The following MAP4K3 variants were observed in gnomAD, a reference collection of about 807,000 sequenced individuals.
The protein encoded by MAP4K3 is mitogen-activated protein kinase kinase kinase kinase 3.
In MAP4K3, 94 loss-of-function variants were observed where a neutral mutation model predicts 143.5. The ratio of observed to expected loss-of-function variants is 0.65; its 90% confidence interval spans 0.55 to 0.78. The LOEUF is 0.78. Ranked by LOEUF, MAP4K3 falls within the 30% of genes least tolerant of loss-of-function variation. The pLI, the probability that MAP4K3 is intolerant of heterozygous loss-of-function variation, is 0.00. For synonymous variants in MAP4K3, 416 were observed against 347.2 expected (o/e 1.20, Z -2.20); for missense variants, 1,077 against 1,068.1 (o/e 1.01, Z -0.12).
intron 16 of MAP4K3, among the ~76,000 whole-genome samples, chr2:39,293,545 A>G (rs1480461767): frequency 6.6e-6 from 1 of 152,182 alleles, no homozygotes; most frequent in Non-Finnish European, 1.5e-5. Context: ...TTCAAACAGA[A>G]GACAACTCAC....
Position 39,336,944 on chromosome 2 carries a change from T to C in MAP4K3, c.390A>G (p.Lys130=), listed in dbSNP as rs752007112. The C allele has an allele frequency of 1.3e-5, 17 of 1,328,432 alleles. No individual in the cohort carries two copies. Among genetic ancestry groups the C allele is most frequent in the Non-Finnish European group, 1.8e-5 (17 of 949,728 alleles). The allele number at this position is 1,328,432 out of a possible 1,614,324, so 82.3% of individuals were successfully genotyped here. A position where few individuals can be genotyped will look rare whatever the true frequency, so the allele number is the denominator to read the frequency against. ...CCTTTATATCTCTGTGCATTTTTCCTTTACTGTGAAGATAATATAATCCCT... is the reference window on the plus strand; with the variant it reads ...CCTTTATATCTCTGTGCATTTTTCCCTTACTGTGAAGATAATATAATCCCT... The part of the protein sequence containing the change: ...TLQGLYYLHS[K]GKMHRDIKGA... The change falls in exon 6 of 34, where the codon AAA becomes AAG. Residue 130 remains lysine, a synonymous_variant. Transcript: ENST00000263881.
intron 15 of MAP4K3, among the ~76,000 whole-genome samples, chr2:39,300,279 C>T (rs2148488973): frequency 6.6e-6 from 1 of 152,244 alleles, no homozygotes; most frequent in South Asian, 2.1e-4. Flanking sequence ...AAATTGGGTG[C>T]TATTTTAAAA....
chr2:39,339,447 T>C (rs966997249), intron 4 of MAP4K3, among the ~76,000 whole-genome samples: 3 of 152,200 alleles, frequency 2.0e-5, no homozygotes, highest in African/African-American at 4.8e-5. Flanking sequence ...GTAAGATACT[T>C]TCCCAGGAGA....
At chr2:39,327,646 CTCTAACTT>C (rs1054236413) in intron 8 of MAP4K3, among the ~76,000 whole-genome samples, 2 of 152,186 alleles carry the variant, frequency 1.3e-5, no homozygotes, top group African/African-American at 4.8e-5. Context: ...ACAAAAAACC[CTCTAACTT>C]TCAAAACCCC....
chr2:39,258,089 A>T (rs1680418160), intron 31 of MAP4K3, among the ~76,000 whole-genome samples: 1 of 151,826 alleles, frequency 6.6e-6, no homozygotes, highest in Non-Finnish European at 1.5e-5. Flanking sequence ...GTGCCAGCAA[A>T]CCTGGATAAT....
At chr2:39,429,246 C>T (rs1041805615) in intron 1 of MAP4K3, among the ~76,000 whole-genome samples, 1 of 151,832 alleles carries the variant, frequency 6.6e-6, no homozygotes, top group Non-Finnish European at 1.5e-5. Flanking sequence ...TGTTTCACTG[C>T]AATATTAGTA....
At chr2:39,287,381 C>T (rs1362612766) in intron 20 of MAP4K3, among the ~76,000 whole-genome samples, 1 of 151,906 alleles carries the variant, frequency 6.6e-6, no homozygotes, top group Non-Finnish European at 1.5e-5. Context: ...GCAAACTCCG[C>T]CTCCCAGGTT....
intron 1 of MAP4K3, among the ~76,000 whole-genome samples, chr2:39,412,559 AAAAC>A (rs763703537): frequency 3.9e-4 from 60 of 152,330 alleles, no homozygotes; most frequent in Non-Finnish European, 7.5e-4. Flanking sequence ...TATTAAAATA[AAAAC>A]AAACAAACAA....
chr2:39,428,691 A>C (rs1291737228), intron 1 of MAP4K3, among the ~76,000 whole-genome samples: 1 of 152,040 alleles, frequency 6.6e-6, no homozygotes, highest in Non-Finnish European at 1.5e-5. Flanking sequence ...TCAAAAAAAA[A>C]ATCTTTGGAT....
At position 39,343,375 on chromosome 2, in the gene MAP4K3, A is replaced by G. The variant is rs747936941; in HGVS notation, c.310+13T>C. The G allele has an allele frequency of 3.7e-6, 6 of 1,601,074 alleles. No individual in the cohort carries two copies. The highest frequency in any genetic ancestry group is 5.1e-6 in the Non-Finnish European group (6 of 1,169,634). On this transcript the variant is annotated intron_variant, in intron 4 of 33. Transcript: ENST00000263881. Reference sequence around the variant, plus strand: ...TCAACCTAACCCCTATAAAAATACAACTTTGGTCTTACCGTGATAAATATC... The same window carrying G: ...TCAACCTAACCCCTATAAAAATACAGCTTTGGTCTTACCGTGATAAATATC...
At chr2:39,396,150 G>A (rs1486565321) in intron 1 of MAP4K3, among the ~76,000 whole-genome samples, 1 of 152,040 alleles carries the variant, frequency 6.6e-6, no homozygotes, top group East Asian at 1.9e-4. Context: ...CAATCTTCCT[G>A]CCTCGGACTC....
At chr2:39,283,033 G>A (rs1183026076) in intron 21 of MAP4K3, among the ~76,000 whole-genome samples, 1 of 152,122 alleles carries the variant, frequency 6.6e-6, no homozygotes, top group East Asian at 1.9e-4. Flanking sequence ...ACATTATTCG[G>A]TATTTAGATT....
intron 2 of MAP4K3, among the ~76,000 whole-genome samples, chr2:39,358,922 C>G (rs1316503996): frequency 6.6e-6 from 1 of 152,132 alleles, no homozygotes. Context: ...GGTGACACAA[C>G]CAAACTACAT....
intron 5 of MAP4K3, 85 bp from the exon 6 acceptor site, chr2:39,337,052 C>G (rs577615560): frequency 1.2e-5 from 8 of 646,508 alleles, no homozygotes; most frequent in Middle Eastern, 2.6e-4. Context: ...GGGTAGTATT[C>G]TGTGTATTTT....
At chr2:39,303,615 T>C (rs1210640670) in intron 15 of MAP4K3, among the ~76,000 whole-genome samples, 1 of 152,222 alleles carries the variant, frequency 6.6e-6, no homozygotes, top group Non-Finnish European at 1.5e-5. Flanking sequence ...CTCGGCTCCC[T>C]GCAACCTCTG....
At chr2:39,270,521 T>C (rs754384176) in intron 26 of MAP4K3, among the ~76,000 whole-genome samples, 2 of 152,194 alleles carry the variant, frequency 1.3e-5, no homozygotes, top group South Asian at 2.1e-4. Flanking sequence ...GGTAGGTACT[T>C]TACATACACG....
chr2:39,320,464 A>C (rs543702908), intron 12 of MAP4K3, among the ~76,000 whole-genome samples: 4 of 152,292 alleles, frequency 2.6e-5, no homozygotes, highest in Admixed American at 2.6e-4. Flanking sequence ...CACTAGGCTA[A>C]ATGGGTTAAT....
chr2:39,305,320 C>T (rs1262923349), intron 15 of MAP4K3, among the ~76,000 whole-genome samples: 1 of 152,070 alleles, frequency 6.6e-6, no homozygotes, highest in Non-Finnish European at 1.5e-5. Flanking sequence ...AAAATATATA[C>T]TGATGATGTT....
chr2:39,316,815 T>G (rs1463529414), intron 12 of MAP4K3, among the ~76,000 whole-genome samples: 1 of 152,290 alleles, frequency 6.6e-6, no homozygotes, highest in African/African-American at 2.4e-5. Context: ...ACTTAAAAAG[T>G]TGCCCTTCTA....
Sources: allele counts gnomAD v4.1 joint callset (sites outside exome capture counted in the v4.1 genomes callset), GRCh38; gene constraint gnomAD v4.1.1; transcripts MANE v1.5; gene names NCBI Gene and HGNC (gene_info 2026-07-23, HGNC 2026-07-21).